C12orf75: variants seen among roughly 807,000 people sequenced by gnomAD.
C12orf75 encodes chromosome 12 open reading frame 75.
Under a neutral mutation model 11.4 loss-of-function variants are expected in C12orf75, and 4 were observed. The ratio of observed to expected loss-of-function variants is 0.35; its 90% CI spans 0.17 to 0.80. C12orf75 has a LOEUF of 0.80. Ranked by LOEUF, C12orf75 falls within the 30% of genes least tolerant of loss-of-function variation. The pLI, the probability that C12orf75 is intolerant of heterozygous loss-of-function variation, is 0.52. For synonymous variants in C12orf75, 30 were observed against 30.0 expected, an observed-to-expected ratio of 1.00 and a Z score of 0.00; for missense variants, 89 against 80.4, an observed-to-expected ratio of 1.11 and a Z score of -0.41.
At chr12:105,333,359 A>AT (rs374446456) in intron 1 of C12orf75, among the ~76,000 whole-genome samples, 1 of 152,250 alleles carries the variant, frequency 6.6e-6, no homozygotes, top group African/African-American at 2.4e-5. Flanking sequence ...GAGCTTGGGC[A>AT]TCAGCGTCAA....
intron 2 of C12orf75, among the ~76,000 whole-genome samples, chr12:105,361,140 C>T (rs1315451585): frequency 6.6e-6 from 1 of 152,096 alleles, no homozygotes; most frequent in East Asian, 1.9e-4. Flanking sequence ...GTGTGATCCT[C>T]CCACCGCCAC....
chr12:105,350,320 G>A (rs964404006), intron 2 of C12orf75, among the ~76,000 whole-genome samples: 6 of 152,204 alleles, frequency 3.9e-5, no homozygotes, highest in African/African-American at 9.6e-5. Context: ...CGACTGGCTC[G>A]CATGGCGTGG....
chr12:105,335,159 G>C (rs1447633628), intron 1 of C12orf75, among the ~76,000 whole-genome samples: 1 of 152,166 alleles, frequency 6.6e-6, no homozygotes, highest in African/African-American at 2.4e-5. Flanking sequence ...AATAGTCCGA[G>C]GGGGAGGAGC....
chr12:105,355,588 G>A (rs984323147), intron 2 of C12orf75, among the ~76,000 whole-genome samples: 1 of 152,180 alleles, frequency 6.6e-6, no homozygotes, highest in African/African-American at 2.4e-5. Context: ...CCAGAGAGGA[G>A]AGGTTCTGAG....
At chr12:105,334,817 G>A (rs1487481836) in intron 1 of C12orf75, among the ~76,000 whole-genome samples, 1 of 152,206 alleles carries the variant, frequency 6.6e-6, no homozygotes, top group Non-Finnish European at 1.5e-5. Context: ...ATGTCAGCAG[G>A]TTGGTCATTC....
At chr12:105,368,694 T>C (rs1198145311) in intron 5 of C12orf75, among the ~76,000 whole-genome samples, 1 of 152,152 alleles carries the variant, frequency 6.6e-6, no homozygotes, top group Admixed American at 6.6e-5. Context: ...TACAGACTAA[T>C]TTCACAGGTA....
chr12:105,370,777 G>A lies in C12orf75; in HGVS notation c.*177G>A, dbSNP rs1418952537. The A allele has an allele frequency of 1.3e-5, 6 of 454,762 alleles. No individual in the cohort carries two copies. The highest frequency in any genetic ancestry group is 1.0e-4 in the African/African-American group (5 of 49,998). 28.2% of individuals were successfully genotyped at this position (454,762 alleles called of 1,614,324 possible). A position where few individuals can be genotyped will look rare whatever the true frequency, so the allele number is the denominator to read the frequency against. On this transcript the variant is annotated 3_prime_UTR_variant, in exon 6 of 6. Transcript: ENST00000443585. The stretch of plus-strand genomic sequence containing the variant: ...ATACATAAAACCCTGGGTACATATT[G>A]TTGTGGTAATAGAAGGGAATTGGTT...
chr12:105,332,897 C>G (rs73401724), intron 1 of C12orf75, among the ~76,000 whole-genome samples: 63 of 147,880 alleles, frequency 4.3e-4, no homozygotes, highest in African/African-American at 1.5e-3. Flanking sequence ...TCCCTAGGAG[C>G]ATCTCTCTTA....
At chr12:105,369,577 T>G (rs1007910769) in intron 5 of C12orf75, among the ~76,000 whole-genome samples, 1 of 152,192 alleles carries the variant, frequency 6.6e-6, no homozygotes, top group Non-Finnish European at 1.5e-5. Context: ...CGCACATGTA[T>G]TAGGTATTTG....
At chr12:105,358,360 A>G (rs1892814076) in intron 2 of C12orf75, among the ~76,000 whole-genome samples, 1 of 152,114 alleles carries the variant, frequency 6.6e-6, no homozygotes, top group Admixed American at 6.5e-5. Flanking sequence ...TACAAAACCA[A>G]AAAACATATA....
chr12:105,354,937 A>G (rs1484036536), intron 2 of C12orf75, among the ~76,000 whole-genome samples: 2 of 152,154 alleles, frequency 1.3e-5, no homozygotes, highest in African/African-American at 4.8e-5. Flanking sequence ...TGTTGCAATA[A>G]GAAAGCAGCC....
At chr12:105,340,919 G>A (rs1892565432) in intron 1 of C12orf75, among the ~76,000 whole-genome samples, 1 of 152,176 alleles carries the variant, frequency 6.6e-6, no homozygotes, top group Non-Finnish European at 1.5e-5. Context: ...CCAGAAGCCA[G>A]GAGAGGCATG....
chr12:105,357,594 T>C (rs928645403), intron 2 of C12orf75, among the ~76,000 whole-genome samples: 4 of 152,178 alleles, frequency 2.6e-5, no homozygotes, highest in African/African-American at 9.7e-5. Context: ...ATGCTATGAC[T>C]GAAAGTCTGA....
At chr12:105,365,051 G>A (rs1871426634) in intron 2 of C12orf75, among the ~76,000 whole-genome samples, 1 of 151,918 alleles carries the variant, frequency 6.6e-6, no homozygotes, top group Non-Finnish European at 1.5e-5. Flanking sequence ...TGGCCAAGCT[G>A]GTCTCGAACT....
intron 1 of C12orf75, among the ~76,000 whole-genome samples, chr12:105,339,464 C>A (rs2136141298): frequency 6.7e-6 from 1 of 149,526 alleles, no homozygotes; most frequent in East Asian, 2.0e-4. Context: ...TGAATTATCA[C>A]CACTTGGTTT....
intron 2 of C12orf75, among the ~76,000 whole-genome samples, chr12:105,351,556 A>G (rs544545239): frequency 1.8e-4 from 28 of 152,356 alleles, no homozygotes; most frequent in South Asian, 4.1e-4. Flanking sequence ...CTAGGGACCA[A>G]AATACAGTGT....
rs942424999 is a variant in C12orf75 at position 105,330,930 on chromosome 12, G to T, written c.39G>T (p.Ala13=). Residue 13 remains alanine, a synonymous_variant, in exon 1 of 6, where the codon GCG becomes GCT. Coordinates refer to ENST00000443585, the MANE Select transcript of C12orf75 (RefSeq NM_001145199.2). ...ACTCCACCGCCACCAGCGCGGGCGC[G>T]GGCCAAGGTGAGTCCGGCGGGAGGC... ...CGNSTATSAG[A]GQGPAGAAKD... 2 of 1,234,898 alleles carry T rather than the reference G, an allele frequency of 1.6e-6. No individual in the cohort carries two copies. Among genetic ancestry groups the T allele is most frequent in the African/African-American group, 3.1e-5 (2 of 64,104 alleles). The allele number at this position is 1,234,898 out of a possible 1,614,324, so 76.5% of individuals were successfully genotyped here.
chr12:105,367,844 G>A (rs989515582), intron 5 of C12orf75, among the ~76,000 whole-genome samples: 1 of 152,190 alleles, frequency 6.6e-6, no homozygotes, highest in African/African-American at 2.4e-5. Context: ...GGAGAGACCA[G>A]AGAGGCTAGA....
intron 1 of C12orf75, among the ~76,000 whole-genome samples, chr12:105,340,751 C>A (rs972613003): frequency 1.3e-5 from 2 of 151,874 alleles, no homozygotes; most frequent in African/African-American, 2.4e-5. Context: ...TTTTGAGATG[C>A]GGAGATTATA....
Sources: allele counts gnomAD v4.1 joint callset (sites outside exome capture counted in the v4.1 genomes callset), GRCh38; gene constraint gnomAD v4.1.1; transcripts MANE v1.5; gene names NCBI Gene and HGNC (gene_info 2026-07-23, HGNC 2026-07-21).